Variants in B3GALT1 observed in about 807,000 individuals in gnomAD.
B3GALT1 encodes the protein beta-1,3-galactosyltransferase 1, also known as UDP-Gal:betaGlcNAc beta 1,3-galactosyltransferase, polypeptide 1.
A neutral mutation model predicts 23.2 loss-of-function variants in B3GALT1; 10 were observed. That is an observed-to-expected ratio of 0.43 (90% CI 0.27 to 0.73). The LOEUF (loss-of-function observed/expected upper bound fraction) is 0.73. Among genes scored for constraint, B3GALT1 ranks in the 30% least tolerant of loss-of-function variants. B3GALT1 has a pLI of 0.21. For synonymous variants in B3GALT1, 156 were observed against 141.5 expected (o/e 1.10, Z -0.73); for missense variants, 299 against 405.4 (o/e 0.74, Z 2.25).
intron 2 of B3GALT1, among the ~76,000 whole-genome samples, chr2:167,520,581 C>T (rs1221136525): frequency 3.3e-5 from 5 of 152,158 alleles, no homozygotes; most frequent in Admixed American, 3.3e-4. Context: ...GCGAAAATGC[C>T]TTGAGCATCG....
chr2:167,316,817 C>A (rs1055516242), intron 1 of B3GALT1, among the ~76,000 whole-genome samples: 1 of 152,128 alleles, frequency 6.6e-6, no homozygotes, highest in Middle Eastern at 3.4e-3. Flanking sequence ...GAGATCAGCT[C>A]CCAAATAAAC....
chr2:167,771,142 C>G (rs1054988606), intron 3 of B3GALT1, among the ~76,000 whole-genome samples: 3 of 152,144 alleles, frequency 2.0e-5, no homozygotes, highest in Non-Finnish European at 2.9e-5. Flanking sequence ...TGACTTTAAA[C>G]TGTGGACTAA....
intron 1 of B3GALT1, among the ~76,000 whole-genome samples, chr2:167,486,649 C>T (rs945066648): frequency 6.0e-5 from 9 of 151,080 alleles, no homozygotes; most frequent in Non-Finnish European, 1.2e-4. Flanking sequence ...AGCCGGGAGG[C>T]GAAGGTTGCA....
At chr2:167,710,878 C>G (rs1687037057) in intron 3 of B3GALT1, among the ~76,000 whole-genome samples, 1 of 152,180 alleles carries the variant, frequency 6.6e-6, no homozygotes, top group Non-Finnish European at 1.5e-5. Flanking sequence ...TAGCCCGTAG[C>G]TGGTCTCTTT....
chr2:167,823,754 A>T (rs1022521176), intron 4 of B3GALT1, among the ~76,000 whole-genome samples: 3 of 152,088 alleles, frequency 2.0e-5, no homozygotes, highest in African/African-American at 7.2e-5. Flanking sequence ...TATCCACTAA[A>T]CTCATCACAC....
At chr2:167,299,698 ATAATCT>A (rs1358524382) in intron 1 of B3GALT1, among the ~76,000 whole-genome samples, 2 of 152,086 alleles carry the variant, frequency 1.3e-5, no homozygotes, top group East Asian at 3.9e-4. Context: ...GAAATAAAAG[ATAATCT>A]TTAGCTGACT....
In B3GALT1 at chr2:167,590,215, G is replaced by A. The variant is rs558382531; in HGVS notation, c.-409-56694G>A. On this transcript the variant is annotated intron_variant, in intron 2 of 4. Transcript: ENST00000392690. Reference sequence around the variant, plus strand: ...CAAAAAATTAGCCGGGCGTGGTGGCGGGCACCTGTAGTCCCAGCTACTTGG... The same window carrying A: ...CAAAAAATTAGCCGGGCGTGGTGGCAGGCACCTGTAGTCCCAGCTACTTGG... 4.6e-5 allele frequency among the ~76,000 whole-genome samples: 7 copies of A among 151,996 alleles called. No individual in the cohort carries two copies. The South Asian group carries it at 8.3e-4, about 18-fold the overall frequency.
At chr2:167,754,224 C>G (rs1687781079) in intron 3 of B3GALT1, among the ~76,000 whole-genome samples, 1 of 152,174 alleles carries the variant, frequency 6.6e-6, no homozygotes, top group Non-Finnish European at 1.5e-5. Flanking sequence ...CTTCGACTTA[C>G]AAATTTTCCT....
intron 3 of B3GALT1, among the ~76,000 whole-genome samples, chr2:167,728,060 A>G (rs904194913): frequency 1.3e-5 from 2 of 152,154 alleles, no homozygotes; most frequent in Non-Finnish European, 2.9e-5. Context: ...TGTGACAAAC[A>G]CAATCTTCTG....
At chr2:167,355,760 C>G (rs1217145998) in intron 1 of B3GALT1, among the ~76,000 whole-genome samples, 1 of 151,962 alleles carries the variant, frequency 6.6e-6, no homozygotes, top group African/African-American at 2.4e-5. Context: ...TTCACAACCA[C>G]TAAGTTTAAA....
chr2:167,526,562 T>G (rs1683223170), intron 2 of B3GALT1, among the ~76,000 whole-genome samples: 1 of 152,258 alleles, frequency 6.6e-6, no homozygotes, highest in Non-Finnish European at 1.5e-5. Context: ...CTTCAAGTCC[T>G]CATAAATATG....
intron 1 of B3GALT1, among the ~76,000 whole-genome samples, chr2:167,319,309 T>C (rs1328216056): frequency 6.6e-6 from 1 of 152,072 alleles, no homozygotes; most frequent in Non-Finnish European, 1.5e-5. Context: ...CTTTCCTCAC[T>C]CTAGTTTACA....
At chr2:167,448,140 A>T (rs1412211086) in intron 1 of B3GALT1, among the ~76,000 whole-genome samples, 4 of 152,200 alleles carry the variant, frequency 2.6e-5, no homozygotes, top group African/African-American at 7.2e-5. Flanking sequence ...TAGATAACTC[A>T]TAGTGGGACT....
intron 3 of B3GALT1, among the ~76,000 whole-genome samples, chr2:167,647,482 T>C (rs16853993): frequency 0.015 from 2,307 of 152,296 alleles, 70 homozygotes; most frequent in African/African-American, 0.053. Flanking sequence ...AATCCTTCCA[T>C]GAAATAATGA....
intron 3 of B3GALT1, among the ~76,000 whole-genome samples, chr2:167,763,543 G>A (rs1342081151): frequency 2.0e-5 from 3 of 151,630 alleles, no homozygotes; most frequent in Admixed American, 1.3e-4. Context: ...TCTAGTAAAC[G>A]TAGCCAGGTA....
rs1430638545 is a variant in B3GALT1, at chr2:167,521,978, G to GTATATA, written c.-410+31702_-410+31703insATATAT. ...ACATTACCAACATATATGTGTGTGT[G>GTATATA]TGTGTGTATATATATATATATATAT... On this transcript the variant is annotated intron_variant, in intron 2 of 4. Coordinates refer to ENST00000392690, the MANE Select transcript of B3GALT1 (RefSeq NM_020981.4). Among the ~76,000 whole-genome samples, 372 of 90,714 alleles carry GTATATA rather than the reference G, an allele frequency of 4.1e-3. 3 individuals are homozygous for GTATATA. The highest frequency in any genetic ancestry group is 0.015 in the African/African-American group (334 of 21,686). The allele number at this position is 90,714 out of a possible 152,430, so 59.5% of individuals were successfully genotyped here.
At chr2:167,454,995 C>G (rs1699147146) in intron 1 of B3GALT1, among the ~76,000 whole-genome samples, 1 of 152,208 alleles carries the variant, frequency 6.6e-6, no homozygotes, top group Non-Finnish European at 1.5e-5. Context: ...CCCAGGGACA[C>G]TCTCCCTGAA....
chr2:167,398,070 A>T (rs890840350), intron 1 of B3GALT1, among the ~76,000 whole-genome samples: 7 of 152,166 alleles, frequency 4.6e-5, no homozygotes, highest in Admixed American at 4.6e-4. Context: ...ACATTTTTAT[A>T]TGCCCCTGAA....
chr2:167,345,184 C>G (rs1261229384), intron 1 of B3GALT1, among the ~76,000 whole-genome samples: 2 of 152,098 alleles, frequency 1.3e-5, no homozygotes, highest in African/African-American at 4.8e-5. Flanking sequence ...TTACAAGCAT[C>G]TCTCAGAAGG....
Sources: gnomAD v4.1 joint callset for allele counts (sites outside exome capture counted in the v4.1 genomes callset) on GRCh38, gnomAD v4.1.1 for gene constraint, MANE v1.5 for transcripts, NCBI Gene and HGNC (gene_info 2026-07-23, HGNC 2026-07-21) for gene names.